Variants in GRIK4 observed in about 807,000 individuals in gnomAD.
The protein encoded by GRIK4 is glutamate receptor ionotropic, kainate 4.
In GRIK4, 40 loss-of-function variants were observed where a neutral mutation model predicts 104.9. That is an observed-to-expected ratio of 0.38 (90% CI 0.30 to 0.50). The LOEUF (loss-of-function observed/expected upper bound fraction) is 0.50, where lower values mean the gene tolerates loss of function less well. Ranked by LOEUF, GRIK4 falls within the 20% of genes least tolerant of loss-of-function variation. The pLI, the probability that GRIK4 is intolerant of heterozygous loss-of-function variation, is 0.93. For synonymous variants in GRIK4, 485 were observed against 524.9 expected, an observed-to-expected ratio of 0.92 and a Z score of 1.04; for missense variants, 1,047 against 1,308.1, an observed-to-expected ratio of 0.80 and a Z score of 3.08.
chr11:120,728,382 A>G (rs1267419604), intron 3 of GRIK4, among the ~76,000 whole-genome samples: 1 of 152,218 alleles, frequency 6.6e-6, no homozygotes, highest in African/African-American at 2.4e-5. Context: ...AAGAACTGAG[A>G]GAATATTGTT....
chr11:120,653,201 G>A (rs1343711987), intron 1 of GRIK4, among the ~76,000 whole-genome samples: 2 of 152,218 alleles, frequency 1.3e-5, no homozygotes, highest in Non-Finnish European at 2.9e-5. Flanking sequence ...TGCCCTCATG[G>A]GGCTTGTATT....
chr11:120,869,940 A>G (rs1262392573), intron 9 of GRIK4: 2 of 152,244 alleles, frequency 1.3e-5, no homozygotes, highest in Non-Finnish European at 2.9e-5. Flanking sequence ...TTGGAGGCCA[A>G]ATCTTTTCCA....
chr11:120,738,835 A>C (rs1003899484), intron 3 of GRIK4, among the ~76,000 whole-genome samples: 8 of 152,288 alleles, frequency 5.3e-5, no homozygotes, highest in Admixed American at 4.6e-4. Context: ...AAGCTCAGTC[A>C]CAGCCATTTC....
chr11:120,528,267 A>G (rs987371516), intron 1 of GRIK4, among the ~76,000 whole-genome samples: 5 of 152,142 alleles, frequency 3.3e-5, no homozygotes, highest in African/African-American at 7.2e-5. Context: ...GCCCGCCACC[A>G]CGCCCGGCTA....
At chr11:120,668,297 AAAAAG>A (rs1224044014) in intron 3 of GRIK4, among the ~76,000 whole-genome samples, 25 of 151,834 alleles carry the variant, frequency 1.6e-4, no homozygotes, top group Non-Finnish European at 3.4e-4. Context: ...GAGAGAAAGA[AAAAAG>A]AAAAGAAAAG....
At chr11:120,913,796 G>C (rs1943048456) in intron 13 of GRIK4, among the ~76,000 whole-genome samples, 1 of 151,244 alleles carries the variant, frequency 6.6e-6, no homozygotes, top group South Asian at 2.1e-4. Flanking sequence ...AGGCCTGGTG[G>C]GTCAGGCTGT....
chr11:120,724,053 T>G (rs1950983057), intron 3 of GRIK4, among the ~76,000 whole-genome samples: 1 of 152,156 alleles, frequency 6.6e-6, no homozygotes, highest in South Asian at 2.1e-4. Flanking sequence ...GTGGAATTAG[T>G]CAGTATGTAG....
chr11:120,812,089 G>A (rs1412672328), intron 4 of GRIK4, among the ~76,000 whole-genome samples: 1 of 152,208 alleles, frequency 6.6e-6, no homozygotes, highest in Admixed American at 6.5e-5. Context: ...AGAAGGGCAG[G>A]TTATAAAGAG....
At chr11:120,966,275 C>G (rs540091154) in intron 18 of GRIK4, among the ~76,000 whole-genome samples, 1 of 152,320 alleles carries the variant, frequency 6.6e-6, no homozygotes, top group South Asian at 2.1e-4. Context: ...GATTCTCACA[C>G]TCTGGGGTGG....
intron 11 of GRIK4, among the ~76,000 whole-genome samples, chr11:120,896,436 G>C (rs937026841): frequency 3.3e-5 from 5 of 152,254 alleles, no homozygotes; most frequent in African/African-American, 7.2e-5. Context: ...TGCCCTTGCA[G>C]AGATGGGGAC....
At chr11:120,532,426 C>A (rs1483182156) in intron 1 of GRIK4, among the ~76,000 whole-genome samples, 4 of 152,214 alleles carry the variant, frequency 2.6e-5, no homozygotes, top group Admixed American at 2.6e-4. Context: ...AATCAAAGTC[C>A]TCTCAGAGGG....
intron 1 of GRIK4, among the ~76,000 whole-genome samples, chr11:120,528,772 G>T (rs1947891182): frequency 6.6e-6 from 1 of 152,138 alleles, no homozygotes; most frequent in African/African-American, 2.4e-5. Flanking sequence ...AGACCCATGA[G>T]ATCTCTCATG....
intron 1 of GRIK4, among the ~76,000 whole-genome samples, chr11:120,559,796 A>T (rs1268272266): frequency 6.6e-6 from 1 of 152,078 alleles, no homozygotes; most frequent in South Asian, 2.1e-4. Context: ...GTTGCCTCTT[A>T]CTTTTGCCAG....
rs560092175 is a variant in GRIK4, at chr11:120,819,390, G to C, written c.346-365G>C. ...TTAACTACAAATAAAATATTCTAAGGATTATGCTTTCAAGAGCCAACTGTC... is the reference window on the plus strand; with the variant it reads ...TTAACTACAAATAAAATATTCTAAGCATTATGCTTTCAAGAGCCAACTGTC... On this transcript the variant is annotated intron_variant, in intron 5 of 20. Coordinates refer to ENST00000527524, the MANE Select transcript of GRIK4 (RefSeq NM_014619.5). This position sits in a 1 kb window ranked among gnomAD's most constrained non-coding sequence, Gnocchi z 4.3. 6.6e-6 allele frequency among the ~76,000 whole-genome samples: 1 copy of C among 152,182 alleles called. No homozygotes were observed. The highest frequency in any genetic ancestry group is 1.5e-5 in the Non-Finnish European group (1 of 68,040).
chr11:120,803,727 T>A (rs898547498), intron 4 of GRIK4, among the ~76,000 whole-genome samples: 1 of 152,254 alleles, frequency 6.6e-6, no homozygotes, highest in African/African-American at 2.4e-5. Context: ...CATGAGCCAC[T>A]GCGCCCAGCC....
chr11:120,819,918 A>G lies in GRIK4; in HGVS notation c.509A>G (p.Glu170Gly). The G allele has an allele frequency of 6.2e-7, 1 of 1,613,586 alleles. No homozygotes were observed. The highest frequency in any genetic ancestry group is 8.5e-7 in the Non-Finnish European group (1 of 1,179,936). The change falls in exon 6 of 21, where the codon GAA becomes GGA. Residue 170 changes from glutamate (E) to glycine (G), a missense_variant and splice_region_variant. This residue lies in a region of GRIK4 where 447 missense variants were observed against 514.9 expected (regional missense o/e 0.87). Coordinates refer to ENST00000527524, the MANE Select transcript of GRIK4 (RefSeq NM_014619.5). This position sits in a 1 kb window ranked among gnomAD's most constrained non-coding sequence, Gnocchi z 4.3. ...GCCTGCCTCATCTGTGCCAAAGCAG[A>G]ATGTAAGTTTCCCCAGGCTGGCTCT... ...TTACLICAKA[E>G]CLLNLEKLLR...
In GRIK4 at chr11:120,625,473, A is replaced by T. The variant is rs1418268983; in HGVS notation, c.-158-28212A>T. Among the ~76,000 whole-genome samples, 3 of 152,320 alleles carry T rather than the reference A, an allele frequency of 2.0e-5. No individual in the cohort carries two copies. The East Asian group carries it at 5.8e-4, about 29-fold the overall frequency. On this transcript the variant is annotated intron_variant, in intron 1 of 20. Transcript: ENST00000527524. ...TGAAGCAGCAGCTGGCCACCTACTCACAGGCCCTCCTGAGCTTCATTTTGG... is the reference window on the plus strand; with the variant it reads ...TGAAGCAGCAGCTGGCCACCTACTCTCAGGCCCTCCTGAGCTTCATTTTGG...
chr11:120,842,620 A>G (rs996858737), intron 8 of GRIK4, among the ~76,000 whole-genome samples: 2 of 152,270 alleles, frequency 1.3e-5, no homozygotes, highest in Non-Finnish European at 2.9e-5. Flanking sequence ...AAAAGTGGAA[A>G]TCAGCACTTA....
At chr11:120,780,932 C>T (rs1482599033) in intron 3 of GRIK4, among the ~76,000 whole-genome samples, 2 of 151,990 alleles carry the variant, frequency 1.3e-5, no homozygotes, top group African/African-American at 2.4e-5. Flanking sequence ...TTAGTAGAGA[C>T]GGGGTATCAC....
Sources: gnomAD v4.1 joint callset for allele counts (sites outside exome capture counted in the v4.1 genomes callset) on GRCh38, gnomAD v4.1.1 for gene constraint, gnomAD v4.1.1 regional missense constraint, Gnocchi (gnomAD v3.1) non-coding constraint, MANE v1.5 for transcripts, NCBI Gene and HGNC (gene_info 2026-07-23, HGNC 2026-07-21) for gene names.